Variants in GALNT9 observed in about 807,000 individuals in gnomAD.
The protein encoded by GALNT9 is GalNAc transferase 9.
A neutral mutation model predicts 63.1 loss-of-function variants in GALNT9; 47 were observed. The ratio of observed to expected loss-of-function variants is 0.75; its 90% CI spans 0.59 to 0.95. GALNT9 has a LOEUF of 0.95. GALNT9 is among the 40% of genes least tolerant of loss of function. GALNT9 has a pLI of 0.00. For synonymous variants in GALNT9, 396 were observed against 365.7 expected (o/e 1.08, Z -0.94); for missense variants, 829 against 874.8 (o/e 0.95, Z 0.66).
chr12:132,228,582 G>A (rs1877787277), intron 6 of GALNT9, among the ~76,000 whole-genome samples: 1 of 151,842 alleles, frequency 6.6e-6, no homozygotes. Flanking sequence ...CCACCCCCTT[G>A]GAGAATTGCA....
At chr12:132,257,971 C>A in intron 4 of GALNT9, 85 bp from the exon 5 acceptor site, 2 of 879,686 alleles carry the variant, frequency 2.3e-6, no homozygotes, top group South Asian at 1.6e-5. Flanking sequence ...GGAGGGGAGG[C>A]CAGTCCCCAC....
intron 6 of GALNT9, among the ~76,000 whole-genome samples, chr12:132,228,790 G>A (rs1877795491): frequency 6.6e-6 from 1 of 152,286 alleles, no homozygotes; most frequent in South Asian, 2.1e-4. Flanking sequence ...TTCCTGGCCC[G>A]ACTCTCACAC....
chr12:132,309,737 C>T (rs1341546748), intron 1 of GALNT9, among the ~76,000 whole-genome samples: 2 of 152,190 alleles, frequency 1.3e-5, no homozygotes, highest in Admixed American at 1.3e-4. Flanking sequence ...ACAGAGAGAG[C>T]GTAAGTCTCC....
intron 2 of GALNT9, among the ~76,000 whole-genome samples, chr12:132,264,000 C>CG (rs1371282073): frequency 6.6e-6 from 1 of 152,154 alleles, no homozygotes; most frequent in African/African-American, 2.4e-5. Context: ...TGACCGTTCC[C>CG]GGGGGCCTCC....
chr12:132,286,164 T>TG lies in GALNT9; in HGVS notation c.419+85dup, dbSNP rs1261496141. 20 of 1,177,882 alleles carry TG rather than the reference T, an allele frequency of 1.7e-5. No homozygotes were observed. The African/African-American group carries it at 3.3e-4, about 20-fold the overall frequency. The allele number at this position is 1,177,882 out of a possible 1,614,324, so 73.0% of individuals were successfully genotyped here. Reference sequence around the variant, plus strand: ...GGGCCGCTCACTTCCCCGGCCGGCGTGGGGGGCAGTCACTTCCCTGGCCAG... The same window carrying TG: ...GGGCCGCTCACTTCCCCGGCCGGCGTGGGGGGGCAGTCACTTCCCTGGCCAG... On this transcript the variant is annotated intron_variant, in intron 2 of 10. Coordinates refer to ENST00000328957, the MANE Select transcript of GALNT9 (RefSeq NM_001122636.2). This position sits in a 1 kb window ranked among gnomAD's most constrained non-coding sequence, Gnocchi z 7.4.
intron 6 of GALNT9, among the ~76,000 whole-genome samples, chr12:132,217,995 A>G (rs1254308600): frequency 2.2e-5 from 3 of 133,688 alleles, no homozygotes; most frequent in Non-Finnish European, 4.7e-5. Context: ...CCATCTACCC[A>G]CTCATTTGCC....
chr12:132,314,742 GCAGT>G (rs1241221140), intron 1 of GALNT9, among the ~76,000 whole-genome samples: 2 of 152,186 alleles, frequency 1.3e-5, no homozygotes, highest in African/African-American at 4.8e-5. Context: ...GCACAGTATG[GCAGT>G]CATTCGGTGA....
chr12:132,205,006 AGGTGCC>A (rs969379624), intron 6 of GALNT9, among the ~76,000 whole-genome samples: 10 of 152,006 alleles, frequency 6.6e-5, no homozygotes, highest in Non-Finnish European at 1.5e-4. Context: ...GGTGCTGAGA[AGGTGCC>A]GAGGCCGAGG....
At chr12:132,324,698 G>T (rs534149228) in intron 1 of GALNT9, among the ~76,000 whole-genome samples, 80 of 152,158 alleles carry the variant, frequency 5.3e-4, no homozygotes, top group Non-Finnish European at 9.3e-4. Context: ...CGGGTGCAAG[G>T]CAAGTGTTGG....
chr12:132,290,494 G>C (rs1254853476), intron 1 of GALNT9, among the ~76,000 whole-genome samples: 1 of 152,164 alleles, frequency 6.6e-6, no homozygotes, highest in East Asian at 1.9e-4. Flanking sequence ...CAGCACAGGA[G>C]GAGGAAGCAG....
At position 132,238,760 on chromosome 12, in the gene GALNT9, C is replaced by A. The variant is rs1446264143; in HGVS notation, c.1077+9150G>T. 2.6e-5 allele frequency among the ~76,000 whole-genome samples: 4 copies of A among 152,208 alleles called. No homozygotes were observed. The highest frequency in any genetic ancestry group is 7.2e-5 in the African/African-American group (3 of 41,458). ...AATGACAGCCTGATTCCTCCGCCCC[C>A]TCATCTGCAGGCCACCCGCCCAGGG... On this transcript the variant is annotated intron_variant, in intron 6 of 10. Coordinates refer to ENST00000328957, the MANE Select transcript of GALNT9 (RefSeq NM_001122636.2). The surrounding 1 kb of genome is among the most constrained non-coding windows in gnomAD (Gnocchi z 6.5).
rs1555245069 is a variant in GALNT9 at position 132,310,348 on chromosome 12, G to T, written c.238+18618C>A. On this transcript the variant is annotated intron_variant, in intron 1 of 10. Coordinates refer to ENST00000328957, the MANE Select transcript of GALNT9 (RefSeq NM_001122636.2). This position sits in a 1 kb window ranked among gnomAD's most constrained non-coding sequence, Gnocchi z 4.8. ...AGGCCAGGACTGTCAGGGACTCTGA[G>T]TTCCCTCACCCAGAGGAGCCGGGGC... Among the ~76,000 whole-genome samples, 1 of 152,212 alleles carries T rather than the reference G, an allele frequency of 6.6e-6. No homozygotes were observed. Among genetic ancestry groups the T allele is most frequent in the Non-Finnish European group, 1.5e-5 (1 of 68,032 alleles).
chr12:132,308,647 G>A (rs143529485), intron 1 of GALNT9, among the ~76,000 whole-genome samples: 1,667 of 152,300 alleles, frequency 0.011, 21 homozygotes, highest in African/African-American at 0.037. Context: ...GACAAAGAGA[G>A]GGGCCCGGGA....
intron 1 of GALNT9, among the ~76,000 whole-genome samples, chr12:132,314,562 T>C (rs1593122571): frequency 6.6e-6 from 1 of 152,334 alleles, no homozygotes; most frequent in East Asian, 1.9e-4. Flanking sequence ...CAACTCCCAA[T>C]GTGCAGCTCA....
intron 3 of GALNT9, 97 bp from the exon 4 acceptor site, chr12:132,261,219 G>T: frequency 6.6e-7 from 1 of 1,515,198 alleles, no homozygotes; most frequent in Non-Finnish European, 8.8e-7. Context: ...CGTGTGGGAT[G>T]GGTGTATTGT....
chr12:132,205,754 C>T (rs1041402860), intron 6 of GALNT9: 1 of 152,218 alleles, frequency 6.6e-6, no homozygotes, highest in Non-Finnish European at 1.5e-5. Flanking sequence ...GTTTTCCAGC[C>T]CCCTGAGCCG....
chr12:132,211,115 G>A (rs182744392), intron 6 of GALNT9, among the ~76,000 whole-genome samples: 3 of 152,278 alleles, frequency 2.0e-5, no homozygotes, highest in East Asian at 1.9e-4. Context: ...CAAGCTGAAC[G>A]AATTGGGCTG....
chr12:132,286,211 C>G lies in GALNT9; in HGVS notation c.419+39G>C, dbSNP rs1357024913. 1.0e-5 allele frequency: 16 copies of G among 1,523,998 alleles called. No homozygotes were observed. In the South Asian group the frequency reaches 2.0e-4, roughly 19 times the overall value. 94.4% of individuals were successfully genotyped at this position (1,523,998 alleles called of 1,614,324 possible). On this transcript the variant is annotated intron_variant, in intron 2 of 10. Coordinates refer to ENST00000328957, the MANE Select transcript of GALNT9 (RefSeq NM_001122636.2). This position sits in a 1 kb window ranked among gnomAD's most constrained non-coding sequence, Gnocchi z 7.4. ...CCAGTGTGGGGGGCGGTCACTTCCTCGGCGGGCGTCGGGGGATGGGGGGCA... is the reference window on the plus strand; with the variant it reads ...CCAGTGTGGGGGGCGGTCACTTCCTGGGCGGGCGTCGGGGGATGGGGGGCA...
At chr12:132,299,265 C>G (rs1881201107) in intron 1 of GALNT9, among the ~76,000 whole-genome samples, 1 of 141,262 alleles carries the variant, frequency 7.1e-6, no homozygotes, top group Non-Finnish European at 1.5e-5. Flanking sequence ...CCAAGCCACT[C>G]CTGAGATAAC....
Sources: gnomAD v4.1 joint callset for allele counts (sites outside exome capture counted in the v4.1 genomes callset) on GRCh38, gnomAD v4.1.1 for gene constraint, Gnocchi (gnomAD v3.1) non-coding constraint, MANE v1.5 for transcripts, NCBI Gene and HGNC (gene_info 2026-07-23, HGNC 2026-07-21) for gene names.